The following CTNND2 variants were observed in gnomAD, a reference collection of about 807,000 sequenced individuals.
The protein encoded by CTNND2 is catenin delta-2.
A neutral mutation model predicts 144.4 loss-of-function variants in CTNND2; 22 were observed. The ratio of observed to expected loss-of-function variants is 0.15; its 90% CI spans 0.11 to 0.22. CTNND2 has a LOEUF of 0.22. CTNND2 is among the 10% of genes least tolerant of loss of function. The pLI is 1.00. For missense variants in CTNND2, 1,353 were observed against 1,618.8 expected (o/e 0.84, Z 2.82); for synonymous variants, 751 against 695.6 (o/e 1.08, Z -1.25).
chr5:11,418,489 G>A (rs1400009225), intron 3 of CTNND2, among the ~76,000 whole-genome samples: 1 of 152,186 alleles, frequency 6.6e-6, no homozygotes, highest in African/African-American at 2.4e-5. Context: ...TAAAATTGAA[G>A]CAAGAATAAA....
At chr5:11,519,650 T>G (rs751009527) in intron 3 of CTNND2, among the ~76,000 whole-genome samples, 11 of 152,176 alleles carry the variant, frequency 7.2e-5, no homozygotes, top group Non-Finnish European at 1.6e-4. Flanking sequence ...CCTTATTTAT[T>G]GGTTTATTTT....
chr5:11,413,879 C>A (rs1169606191), intron 3 of CTNND2, among the ~76,000 whole-genome samples: 1 of 152,206 alleles, frequency 6.6e-6, no homozygotes, highest in African/African-American at 2.4e-5. Flanking sequence ...ATAGAAAACA[C>A]TTCCATATTG....
intron 11 of CTNND2, among the ~76,000 whole-genome samples, chr5:11,165,693 G>T (rs1420125500): frequency 6.6e-6 from 1 of 152,074 alleles, no homozygotes; most frequent in Non-Finnish European, 1.5e-5. Flanking sequence ...TAAAAATATA[G>T]TTTATTTTTA....
rs115399240 is a variant in CTNND2, at chr5:11,596,735, G to A, written c.175-31679C>T. Among the ~76,000 whole-genome samples, 306 of 152,246 alleles carry A rather than the reference G, an allele frequency of 2.0e-3. 2 individuals are homozygous for A. The highest frequency in any genetic ancestry group is 3.3e-3 in the Non-Finnish European group (227 of 68,004). On this transcript the variant is annotated intron_variant, in intron 2 of 21. Transcript: ENST00000304623. ...CTACAGCCTTGGGAAGTTCAGATGC[G>A]TAGAGGGTAGTGGTTAAAGGTGCTG...
chr5:11,331,238 A>G lies in CTNND2; in HGVS notation c.1628+15134T>C, dbSNP rs138264654. ...GACAAGAGTACTGTTGGTTCCTGGAAGAAAGGGTATGCTTATTTTTTATCT... is the reference window on the plus strand; with the variant it reads ...GACAAGAGTACTGTTGGTTCCTGGAGGAAAGGGTATGCTTATTTTTTATCT... On this transcript the variant is annotated intron_variant, in intron 9 of 21. Coordinates refer to ENST00000304623, the MANE Select transcript of CTNND2 (RefSeq NM_001332.4). Among the ~76,000 whole-genome samples, 57 of 152,290 alleles carry G rather than the reference A, an allele frequency of 3.7e-4. No individual in the cohort carries two copies. In the East Asian group the frequency reaches 6.2e-3, roughly 17 times the overall value.
chr5:11,308,795 C>T (rs1368845120), intron 9 of CTNND2, among the ~76,000 whole-genome samples: 2 of 152,094 alleles, frequency 1.3e-5, no homozygotes, highest in Non-Finnish European at 2.9e-5. Context: ...TCTCATACTG[C>T]TATAAAGAAC....
At chr5:11,278,138 A>C (rs1404100303) in intron 9 of CTNND2, among the ~76,000 whole-genome samples, 1 of 151,988 alleles carries the variant, frequency 6.6e-6, no homozygotes, top group East Asian at 1.9e-4. Context: ...GTCCCTCCCC[A>C]CCAGCTATCT....
At chr5:11,376,272 T>C (rs1471178062) in intron 7 of CTNND2, among the ~76,000 whole-genome samples, 2 of 147,976 alleles carry the variant, frequency 1.4e-5, no homozygotes, top group Non-Finnish European at 3.0e-5. Context: ...CATTATCTGC[T>C]TCTAACCACC....
At chr5:11,323,648 C>T (rs258836) in intron 9 of CTNND2, among the ~76,000 whole-genome samples, 4,925 of 152,234 alleles carry the variant, frequency 0.032, 273 homozygotes, top group African/African-American at 0.11. Context: ...CTCTTTTAGA[C>T]ATGTTGGGTT....
chr5:11,462,882 A>G (rs1406548338), intron 3 of CTNND2, among the ~76,000 whole-genome samples: 1 of 152,120 alleles, frequency 6.6e-6, no homozygotes, highest in African/African-American at 2.4e-5. Flanking sequence ...AAAATGACCT[A>G]TCAGAAGCTG....
intron 3 of CTNND2, among the ~76,000 whole-genome samples, chr5:11,544,844 C>T (rs1413085236): frequency 2.6e-5 from 4 of 152,014 alleles, no homozygotes; most frequent in African/African-American, 4.8e-5. Context: ...ATTAGCCGGG[C>T]GTGGTGGCTC....
chr5:11,409,752 C>A (rs932456738), intron 5 of CTNND2, among the ~76,000 whole-genome samples: 1 of 152,036 alleles, frequency 6.6e-6, no homozygotes, highest in African/African-American at 2.4e-5. Context: ...TTTGCAGGCA[C>A]TACTTTGACC....
chr5:11,309,252 G>A (rs1750562745), intron 9 of CTNND2, among the ~76,000 whole-genome samples: 1 of 152,170 alleles, frequency 6.6e-6, no homozygotes, highest in African/African-American at 2.4e-5. Context: ...CTGTGCACCT[G>A]GAAAAGTCAC....
At chr5:11,487,809 T>C (rs919320345) in intron 3 of CTNND2, among the ~76,000 whole-genome samples, 3 of 152,196 alleles carry the variant, frequency 2.0e-5, no homozygotes, top group African/African-American at 7.2e-5. Context: ...CTCATGTTGG[T>C]AGCTTGAAAT....
At chr5:11,713,583 C>CAAAAAAAAAA (rs1165519277) in intron 2 of CTNND2, among the ~76,000 whole-genome samples, 1 of 57,890 alleles carries the variant, frequency 1.7e-5, no homozygotes, top group East Asian at 4.7e-4. Flanking sequence ...GACTCCATCT[C>CAAAAAAAAAA]AAAAAAAAAA....
intron 2 of CTNND2, among the ~76,000 whole-genome samples, chr5:11,594,709 C>G (rs567609284): frequency 6.6e-6 from 1 of 152,210 alleles, no homozygotes; most frequent in African/African-American, 2.4e-5. Context: ...CAAACAAAAC[C>G]TACATGTTCA....
chr5:11,680,093 G>C (rs540163724), intron 2 of CTNND2, among the ~76,000 whole-genome samples: 1 of 152,238 alleles, frequency 6.6e-6, no homozygotes, highest in African/African-American at 2.4e-5. Flanking sequence ...CAGGAGTGAG[G>C]GAGAACGTTC....
At chr5:11,513,325 A>G (rs1771835507) in intron 3 of CTNND2, among the ~76,000 whole-genome samples, 1 of 152,174 alleles carries the variant, frequency 6.6e-6, no homozygotes, top group Non-Finnish European at 1.5e-5. Flanking sequence ...TGTTTTGCAA[A>G]CCAGTTTCAA....
At chr5:11,251,358 G>A (rs1415653809) in intron 9 of CTNND2, among the ~76,000 whole-genome samples, 2 of 152,160 alleles carry the variant, frequency 1.3e-5, no homozygotes, top group African/African-American at 2.4e-5. Context: ...TCAAAACTTG[G>A]AAGCAGACAA....
Sources: gnomAD v4.1 joint callset for allele counts (sites outside exome capture counted in the v4.1 genomes callset) on GRCh38, gnomAD v4.1.1 for gene constraint, MANE v1.5 for transcripts, NCBI Gene and HGNC (gene_info 2026-07-23, HGNC 2026-07-21) for gene names.